RPS6KC1: variants seen among roughly 807,000 people sequenced by gnomAD.
RPS6KC1 encodes the protein inactive ribosomal protein S6 kinase delta-1.
A neutral mutation model predicts 103.8 loss-of-function variants in RPS6KC1; 54 were observed. The observed-to-expected ratio is 0.52, with a 90% CI of 0.42 to 0.65. The LOEUF is 0.65. Ranked by LOEUF, RPS6KC1 falls within the 30% of genes least tolerant of loss-of-function variation. RPS6KC1 has a pLI of 0.00. For missense variants in RPS6KC1, 1,151 were observed against 1,253.8 expected (o/e 0.92, Z 1.24); for synonymous variants, 439 against 438.7 (o/e 1.00, Z -0.01).
At chr1:213,741,424 A>G in the RPS6KC1 span, among the ~76,000 whole-genome samples, 382 of 152,276 alleles carry the variant, frequency 2.5e-3, 1 homozygote, top group African/African-American at 8.9e-3. Flanking sequence ...AAGAGATTAA[A>G]GGCGCCGCTC....
At chr1:213,828,912 G>A in the RPS6KC1 span, among the ~76,000 whole-genome samples, 1 of 152,276 alleles carries the variant, frequency 6.6e-6, no homozygotes, top group African/African-American at 2.4e-5. Context: ...GTGGGGAAAT[G>A]TAATCACAGT....
At chr1:213,810,747 T>C in the RPS6KC1 span, among the ~76,000 whole-genome samples, 1 of 152,240 alleles carries the variant, frequency 6.6e-6, no homozygotes, top group Admixed American at 6.5e-5. Flanking sequence ...CCTGAACTCA[T>C]TTATTTTTGT....
At chr1:213,804,982 C>T in the RPS6KC1 span, among the ~76,000 whole-genome samples, 1 of 152,206 alleles carries the variant, frequency 6.6e-6, no homozygotes, top group Non-Finnish European at 1.5e-5. Context: ...TATTTGGTTT[C>T]CCAGTGCCTA....
At chr1:213,810,497 C>T in the RPS6KC1 span, among the ~76,000 whole-genome samples, 1 of 152,200 alleles carries the variant, frequency 6.6e-6, no homozygotes, top group Non-Finnish European at 1.5e-5. Flanking sequence ...GAGGAATGAA[C>T]TTCTTTCTGA....
chr1:213,789,948 A>G, the RPS6KC1 span, among the ~76,000 whole-genome samples: 6 of 152,134 alleles, frequency 3.9e-5, no homozygotes, highest in Admixed American at 1.3e-4. Flanking sequence ...TAAATTAACA[A>G]CTTTCAATGG....
the RPS6KC1 span, among the ~76,000 whole-genome samples, chr1:213,467,023 T>A: frequency 6.6e-6 from 1 of 152,128 alleles, no homozygotes; most frequent in South Asian, 2.1e-4. Context: ...CTTTTTTTTT[T>A]TTTAACTAGT....
chr1:213,490,147 G>A, the RPS6KC1 span, among the ~76,000 whole-genome samples: 10 of 152,208 alleles, frequency 6.6e-5, no homozygotes, highest in South Asian at 2.1e-4. Context: ...GATGGAGAAG[G>A]GCTTATTTCT....
At chr1:213,371,793 C>G in the RPS6KC1 span, among the ~76,000 whole-genome samples, 2 of 152,236 alleles carry the variant, frequency 1.3e-5, no homozygotes, top group African/African-American at 4.8e-5. Flanking sequence ...AAATGGGGCA[C>G]AGGCTTTCCG....
At chr1:213,399,889 TA>T in the RPS6KC1 span, among the ~76,000 whole-genome samples, 1 of 152,170 alleles carries the variant, frequency 6.6e-6, no homozygotes, top group East Asian at 1.9e-4. Flanking sequence ...TTACTGTTTT[TA>T]GCTTGGCTTG....
chr1:213,681,192 G>T, the RPS6KC1 span, among the ~76,000 whole-genome samples: 1 of 152,120 alleles, frequency 6.6e-6, no homozygotes, highest in Non-Finnish European at 1.5e-5. Context: ...CCTCTGCTCT[G>T]TTCCCCAGAC....
At chr1:213,454,322 CATTTA>C in the RPS6KC1 span, among the ~76,000 whole-genome samples, 1 of 152,302 alleles carries the variant, frequency 6.6e-6, no homozygotes, top group East Asian at 1.9e-4. Context: ...ATTTTAAAAA[CATTTA>C]ATACTTATTT....
the RPS6KC1 span, among the ~76,000 whole-genome samples, chr1:213,667,346 G>A: frequency 6.6e-6 from 1 of 152,142 alleles, no homozygotes; most frequent in East Asian, 1.9e-4. Context: ...ATAAAGTGAA[G>A]CATGCACATT....
the RPS6KC1 span, among the ~76,000 whole-genome samples, chr1:213,758,825 T>C: frequency 6.9e-4 from 105 of 152,320 alleles, no homozygotes; most frequent in African/African-American, 2.5e-3. Context: ...TTGCTTTTTA[T>C]GAATGAGCAA....
At chr1:213,332,652 T>C in the RPS6KC1 span, among the ~76,000 whole-genome samples, 1 of 152,182 alleles carries the variant, frequency 6.6e-6, no homozygotes, top group African/African-American at 2.4e-5. Flanking sequence ...CTGTGGTGGC[T>C]GTGGCAGAGG....
the RPS6KC1 span, among the ~76,000 whole-genome samples, chr1:213,414,590 G>A: frequency 6.6e-6 from 1 of 152,200 alleles, no homozygotes; most frequent in Non-Finnish European, 1.5e-5. Flanking sequence ...AGAGCCTCCA[G>A]GAGGGACCAG....
the RPS6KC1 span, among the ~76,000 whole-genome samples, chr1:213,743,138 G>C: frequency 6.6e-6 from 1 of 152,110 alleles, no homozygotes; most frequent in East Asian, 1.9e-4. Flanking sequence ...AATCAGCCTC[G>C]GTGTCCATCA....
At chr1:213,318,069 A>G in the RPS6KC1 span, among the ~76,000 whole-genome samples, 1 of 152,124 alleles carries the variant, frequency 6.6e-6, no homozygotes, top group East Asian at 1.9e-4. Flanking sequence ...TTGGAGAGGG[A>G]TGTGCTTTTC....
the RPS6KC1 span, among the ~76,000 whole-genome samples, chr1:213,626,095 T>C: frequency 4.1e-4 from 63 of 152,330 alleles, no homozygotes; most frequent in African/African-American, 1.3e-3. Context: ...GCATCTGTTG[T>C]TTCCTGACTT....
intron 3 of RPS6KC1, among the ~76,000 whole-genome samples, chr1:213,091,068 T>G (rs1194909276): frequency 6.6e-6 from 1 of 152,154 alleles, no homozygotes; most frequent in Non-Finnish European, 1.5e-5. Context: ...AGGAGTGTTT[T>G]TTTTTTTGAG....
Sources: gnomAD v4.1 joint callset for allele counts (sites outside exome capture counted in the v4.1 genomes callset) on GRCh38, gnomAD v4.1.1 for gene constraint, MANE v1.5 for transcripts, NCBI Gene and HGNC (gene_info 2026-07-23, HGNC 2026-07-21) for gene names.